RELCH: variants seen among roughly 807,000 people sequenced by gnomAD.
The protein encoded by RELCH is RAB11-binding protein RELCH.
RELCH carries 41 observed loss-of-function variants against 150.3 expected under a neutral mutation model. That is an observed-to-expected ratio of 0.27 (90% confidence interval 0.21 to 0.35). RELCH has a LOEUF of 0.35. Ranked by LOEUF, RELCH falls within the 10% of genes least tolerant of loss-of-function variation. The probability of loss-of-function intolerance (pLI) is 1.00; values close to 1 mark genes in which losing one functional copy is unlikely to be tolerated. For missense variants in RELCH, 1,092 were observed against 1,467.8 expected, an observed-to-expected ratio of 0.74 and a Z score of 4.18; for synonymous variants, 478 against 531.8, an observed-to-expected ratio of 0.90 and a Z score of 1.39.
intron 13 of RELCH, among the ~76,000 whole-genome samples, chr18:62,256,655 A>C (rs1240487267): frequency 6.6e-6 from 1 of 152,018 alleles, no homozygotes; most frequent in Non-Finnish European, 1.5e-5. Flanking sequence ...AAATGTCTCT[A>C]CATTGGCAGT....
intron 5 of RELCH, among the ~76,000 whole-genome samples, chr18:62,223,230 C>T (rs1234503657): frequency 6.6e-6 from 1 of 151,938 alleles, no homozygotes; most frequent in Non-Finnish European, 1.5e-5. Flanking sequence ...TGATAAACCT[C>T]TAGCCTAACT....
intron 5 of RELCH, among the ~76,000 whole-genome samples, chr18:62,225,188 A>G (rs762222805): frequency 1.3e-5 from 2 of 151,994 alleles, no homozygotes; most frequent in Non-Finnish European, 2.9e-5. Context: ...ATATACAAAA[A>G]TTAACTCAAA....
chr18:62,192,273 G>T (rs1381204640), intron 1 of RELCH, among the ~76,000 whole-genome samples: 3 of 152,034 alleles, frequency 2.0e-5, no homozygotes, highest in Non-Finnish European at 2.9e-5. Flanking sequence ...TAAATTCCTT[G>T]TAGACTCTGG....
intron 5 of RELCH, among the ~76,000 whole-genome samples, chr18:62,222,978 A>C (rs2040978967): frequency 1.3e-5 from 2 of 152,046 alleles, no homozygotes; most frequent in Admixed American, 6.6e-5. Flanking sequence ...GATATAACTA[A>C]AATAGCACTT....
chr18:62,241,349 G>A (rs759202009), intron 10 of RELCH, among the ~76,000 whole-genome samples: 1 of 152,080 alleles, frequency 6.6e-6, no homozygotes, highest in Non-Finnish European at 1.5e-5. Flanking sequence ...GCAGTAGTGT[G>A]CTATGATCAC....
intron 23 of RELCH, chr18:62,280,289 C>A: frequency 8.0e-7 from 1 of 1,247,860 alleles, no homozygotes; most frequent in South Asian, 1.2e-5. Context: ...TGCCCATCCT[C>A]AGTCACAGCT....
chr18:62,221,002 A>C, intron 2 of RELCH, 35 bp from the exon 3 acceptor site: 1 of 1,532,030 alleles, frequency 6.5e-7, no homozygotes, highest in African/African-American at 1.4e-5. Context: ...TCTTGGTTGG[A>C]TGCCTGTGTG....
intron 1 of RELCH, among the ~76,000 whole-genome samples, chr18:62,210,714 T>C (rs2040102311): frequency 6.6e-6 from 1 of 152,264 alleles, no homozygotes; most frequent in Non-Finnish European, 1.5e-5. Flanking sequence ...TTGATTGTGT[T>C]ATTTCTTGGA....
chr18:62,237,667 GT>G (rs2041945322), intron 10 of RELCH, among the ~76,000 whole-genome samples: 1 of 151,460 alleles, frequency 6.6e-6, no homozygotes, highest in Admixed American at 6.6e-5. Flanking sequence ...AAAATTAAAA[GT>G]TTTACAAAAC....
intron 18 of RELCH, among the ~76,000 whole-genome samples, chr18:62,266,290 T>G (rs1295921531): frequency 6.6e-6 from 1 of 151,908 alleles, no homozygotes; most frequent in Non-Finnish European, 1.5e-5. Context: ...GGAATTTCCT[T>G]TTCGTTTTTT....
At chr18:62,270,801 C>A (rs1292972788) in intron 20 of RELCH, among the ~76,000 whole-genome samples, 1 of 152,014 alleles carries the variant, frequency 6.6e-6, no homozygotes. Context: ...CCCTGCCCCC[C>A]ACCCCACAAC....
At chr18:62,217,127 A>G (rs1218103254) in intron 2 of RELCH, among the ~76,000 whole-genome samples, 2 of 152,004 alleles carry the variant, frequency 1.3e-5, no homozygotes, top group Admixed American at 6.6e-5. Context: ...AATAAAAGTG[A>G]TTATATGTTC....
chr18:62,295,231 A>G (rs1600275738), intron 27 of RELCH, among the ~76,000 whole-genome samples: 2 of 151,966 alleles, frequency 1.3e-5, no homozygotes, highest in Admixed American at 1.3e-4. Flanking sequence ...GTCTTGCTAT[A>G]TAGAACATGC....
intron 1 of RELCH, among the ~76,000 whole-genome samples, chr18:62,207,198 T>A (rs552815145): frequency 6.6e-6 from 1 of 152,290 alleles, no homozygotes; most frequent in South Asian, 2.1e-4. Context: ...ACAGACTTTC[T>A]ATCACTATAT....
intron 19 of RELCH, among the ~76,000 whole-genome samples, chr18:62,267,535 T>TATAC (rs144982182): frequency 0.015 from 2,316 of 149,520 alleles, 81 homozygotes; most frequent in East Asian, 0.12. Flanking sequence ...TATATATATA[T>TATAC]ACACACACCT....
intron 1 of RELCH, among the ~76,000 whole-genome samples, chr18:62,203,190 G>T (rs1404673409): frequency 6.6e-6 from 1 of 152,206 alleles, no homozygotes; most frequent in Non-Finnish European, 1.5e-5. Flanking sequence ...GGACATGGTG[G>T]CTCACACCTG....
chr18:62,287,071 AT>A (rs750426054), intron 25 of RELCH, among the ~76,000 whole-genome samples: 1 of 152,198 alleles, frequency 6.6e-6, no homozygotes, highest in Non-Finnish European at 1.5e-5. Flanking sequence ...GGGAAACTGA[AT>A]TACAGTGAGG....
intron 28 of RELCH, chr18:62,300,108 A>G (rs1199199650): frequency 6.6e-6 from 1 of 152,166 alleles, no homozygotes; most frequent in South Asian, 2.1e-4. Context: ...TTTTTTCTCC[A>G]TACAATTTAC....
chr18:62,230,709 CTTATTG>C (rs2041515312), intron 8 of RELCH, among the ~76,000 whole-genome samples: 1 of 151,986 alleles, frequency 6.6e-6, no homozygotes, highest in African/African-American at 2.4e-5. Context: ...TATCTTTAGA[CTTATTG>C]TTTGTGGTTT....
Sources: gnomAD v4.1 joint callset for allele counts (sites outside exome capture counted in the v4.1 genomes callset) on GRCh38, gnomAD v4.1.1 for gene constraint, MANE v1.5 for transcripts, NCBI Gene and HGNC (gene_info 2026-07-23, HGNC 2026-07-21) for gene names.